The following ANO7 variants were observed in gnomAD, a reference collection of about 807,000 sequenced individuals.
The protein encoded by ANO7 is anoctamin 7, also known as anoctamin-7.
Under a neutral mutation model 115.8 loss-of-function variants are expected in ANO7, and 114 were observed. The observed-to-expected ratio is 0.98, with a 90% CI of 0.85 to 1.15. The LOEUF is 1.15. ANO7 is among the 50% of genes most tolerant of loss of function. ANO7 has a pLI of 0.00. For missense variants in ANO7, 1,302 were observed against 1,201.2 expected (o/e 1.08, Z -1.24); for synonymous variants, 550 against 498.2 (o/e 1.10, Z -1.38).
chr2:241,218,713 G>C (rs1335414849), intron 21 of ANO7, among the ~76,000 whole-genome samples: 1 of 152,228 alleles, frequency 6.6e-6, no homozygotes, highest in Non-Finnish European at 1.5e-5. Flanking sequence ...GGGGGCGTCG[G>C]CAGACTCGTG....
chr2:241,217,901 G>T lies in ANO7; in HGVS notation c.2178+10G>T. The T allele has an allele frequency of 6.6e-7, 1 of 1,512,724 alleles. No homozygotes were observed. Among genetic ancestry groups the T allele is most frequent in the Non-Finnish European group, 8.8e-7 (1 of 1,133,660 alleles). 93.7% of individuals were successfully genotyped at this position (1,512,724 alleles called of 1,614,324 possible). A position where few individuals can be genotyped will look rare whatever the true frequency, so the allele number is the denominator to read the frequency against. ...GGCGGTCATCAGCAACGTGAGGCCC[G>T]GGCGGGAGCGCGGGGCGGGGCGGGG... On this transcript the variant is annotated intron_variant, in intron 20 of 24. Transcript: ENST00000674324.
the ANO7 span, chr2:241,239,806 T>G: frequency 6.2e-7 from 1 of 1,613,862 alleles, no homozygotes; most frequent in East Asian, 2.2e-5. The surrounding 1 kb of genome is among the most constrained non-coding windows in gnomAD (Gnocchi z 4.6). Context: ...GCATGGAGTC[T>G]TCCACCACAT....
the ANO7 span, chr2:241,231,392 A>AC: frequency 6.5e-6 from 1 of 152,868 alleles, no homozygotes; most frequent in African/African-American, 2.4e-5. Context: ...TCAAAAAAAA[A>AC]AAAACAAAAA....
chr2:241,240,098 T>C, the ANO7 span: 1 of 1,614,192 alleles, frequency 6.2e-7, no homozygotes, highest in Non-Finnish European at 8.5e-7. This position sits in a 1 kb window ranked among gnomAD's most constrained non-coding sequence, Gnocchi z 5.5. Flanking sequence ...TTGGCGCGGA[T>C]GTCAACAGTG....
Position 241,209,640 on chromosome 2 carries a change from G to A in ANO7, c.1359+5G>A, listed in dbSNP as rs772128942. The A allele has an allele frequency of 3.2e-6, 5 of 1,540,454 alleles. No homozygotes were observed. In the African/African-American group the frequency reaches 5.5e-5, roughly 17 times the overall value. On this transcript the variant is annotated splice_donor_5th_base_variant and intron_variant, in intron 13 of 24. Transcript: ENST00000674324. ...TCTGTGGTGATCGTGGTGATGGTAT[G>A]CGGTCCCCCTGCCCTCCGCTCACGC...
At chr2:241,217,618 G>A (rs755571155) in intron 19 of ANO7, 68 bp from the exon 20 acceptor site, 3 of 1,508,456 alleles carry the variant, frequency 2.0e-6, no homozygotes, top group Non-Finnish European at 2.7e-6. Flanking sequence ...GGTCCTCCGC[G>A]GGGGGCGCGT....
chr2:241,226,555 G>C (rs2069177917), downstream of ANO7, among the ~76,000 whole-genome samples: 2 of 151,948 alleles, frequency 1.3e-5, no homozygotes, highest in Admixed American at 1.3e-4. Context: ...CTCCCGAGTA[G>C]CTGGGACTAC....
intron 11 of ANO7, among the ~76,000 whole-genome samples, chr2:241,209,039 C>T (rs2068655895): frequency 6.6e-6 from 1 of 152,220 alleles, no homozygotes; most frequent in South Asian, 2.1e-4. Flanking sequence ...GTCCCAGCTA[C>T]TTGGGAGGCT....
the ANO7 span, among the ~76,000 whole-genome samples, chr2:241,236,983 G>C: frequency 0.054 from 5,818 of 107,308 alleles, 157 homozygotes; most frequent in Non-Finnish European, 0.078. Context: ...ACCTTGGGGG[G>C]GGGGGGGGGG....
Position 241,209,292 on chromosome 2 carries a change from G to T in ANO7, c.1085G>T (p.Arg362Leu). The T allele has an allele frequency of 6.4e-7, 1 of 1,554,300 alleles. No homozygotes were observed. The highest frequency in any genetic ancestry group is 8.7e-7 in the Non-Finnish European group (1 of 1,149,782). Residue 362 changes from arginine to leucine, a missense_variant, in exon 12 of 25, where the codon CGG becomes CTG. Arg to Leu is a moderately radical substitution (Grantham distance 102). Transcript: ENST00000674324. ...SSACALAQAG[R>L]LFDHGGTVFF... Reference sequence around the variant, plus strand: ...CCCCGCTCCCTGCCACAGGCCGGCCGGCTGTTCGACCACGGCGGCACCGTG... The same window carrying T: ...CCCCGCTCCCTGCCACAGGCCGGCCTGCTGTTCGACCACGGCGGCACCGTG...
chr2:241,216,261 G>A (rs531193134), intron 19 of ANO7, 23 bp downstream of exon 19: 36 of 1,550,898 alleles, frequency 2.3e-5, no homozygotes, highest in Admixed American at 8.2e-5. Flanking sequence ...TAGCAGCTGC[G>A]GCAATGGCTG....
chr2:241,191,661 G>A (rs74003625), intron 3 of ANO7, among the ~76,000 whole-genome samples: 2,160 of 151,980 alleles, frequency 0.014, 56 homozygotes, highest in African/African-American at 0.049. Flanking sequence ...AGCTACCACC[G>A]ACTCCAGGGG....
At position 241,211,924 on chromosome 2, in the gene ANO7, A is replaced by G. The variant is rs116422867; in HGVS notation, c.1562-170A>G. 7.8e-3 allele frequency among the ~76,000 whole-genome samples: 1,181 copies of G among 152,270 alleles called. 14 individuals are homozygous for G. The highest frequency in any genetic ancestry group is 0.027 in the African/African-American group (1,115 of 41,550). The stretch of plus-strand genomic sequence containing the variant: ...ATTTTCCCAACTCCTGTTAATCAAC[A>G]TGTTTTTGGGTGACTTCGGAAATGT... On this transcript the variant is annotated intron_variant, in intron 15 of 24. Coordinates refer to ENST00000674324, the MANE Select transcript of ANO7 (RefSeq NM_001370694.2).
chr2:241,235,211 G>A, the ANO7 span: 22 of 1,614,192 alleles, frequency 1.4e-5, no homozygotes, highest in East Asian at 1.6e-4. Flanking sequence ...CCGTGATGGC[G>A]ATGATGTCAG....
the ANO7 span, chr2:241,239,941 C>T: frequency 5.5e-5 from 89 of 1,614,080 alleles, no homozygotes; most frequent in Admixed American, 8.3e-5. This position sits in a 1 kb window ranked among gnomAD's most constrained non-coding sequence, Gnocchi z 4.6. Context: ...CTGTGCCTCT[C>T]GGACGGCGTC....
chr2:241,213,647 G>A (rs2068762857), intron 17 of ANO7, among the ~76,000 whole-genome samples: 1 of 152,222 alleles, frequency 6.6e-6, no homozygotes, highest in Non-Finnish European at 1.5e-5. Flanking sequence ...CCAGCAGCTG[G>A]GGTCGCAGGC....
At chr2:241,201,430 T>A in intron 7 of ANO7, 75 bp downstream of exon 7, 1 of 1,517,030 alleles carries the variant, frequency 6.6e-7, no homozygotes, top group East Asian at 2.3e-5. Context: ...CCAGCCTCCA[T>A]GGATGCAGAA....
At chr2:241,215,186 A>G (rs1030156347) in intron 18 of ANO7, among the ~76,000 whole-genome samples, 1 of 152,224 alleles carries the variant, frequency 6.6e-6, no homozygotes, top group African/African-American at 2.4e-5. Flanking sequence ...TCCTGGACCC[A>G]AGGCTGGGGT....
intron 11 of ANO7, among the ~76,000 whole-genome samples, chr2:241,208,913 G>A (rs1163797121): frequency 2.0e-5 from 3 of 152,166 alleles, no homozygotes; most frequent in East Asian, 1.9e-4. Flanking sequence ...ACTTTGGGAG[G>A]CCAAGGCGGG....
Sources: gnomAD v4.1 joint callset for allele counts (sites outside exome capture counted in the v4.1 genomes callset) on GRCh38, gnomAD v4.1.1 for gene constraint, Gnocchi (gnomAD v3.1) non-coding constraint, MANE v1.5 for transcripts, NCBI Gene and HGNC (gene_info 2026-07-23, HGNC 2026-07-21) for gene names.